The following UHRF2 variants were observed in gnomAD, a reference collection of about 807,000 sequenced individuals.
The protein encoded by UHRF2 is ubiquitin like with PHD and ring finger domains 2, also known as E3 ubiquitin-protein ligase UHRF2.
Under a neutral mutation model 96.8 loss-of-function variants are expected in UHRF2, and 23 were observed. The ratio of observed to expected loss-of-function variants is 0.24; its 90% CI spans 0.17 to 0.34. UHRF2 has a LOEUF of 0.34. Among genes scored for constraint, UHRF2 ranks in the 10% least tolerant of loss-of-function variants. The pLI is 1.00. For missense variants in UHRF2, 685 were observed against 981.5 expected, an observed-to-expected ratio of 0.70 and a Z score of 4.04; for synonymous variants, 385 against 332.6, an observed-to-expected ratio of 1.16 and a Z score of -1.72.
At chr9:6,443,270 A>T (rs1020030503) in intron 3 of UHRF2, among the ~76,000 whole-genome samples, 3 of 152,240 alleles carry the variant, frequency 2.0e-5, no homozygotes, top group Non-Finnish European at 4.4e-5. Context: ...TGTTAAAATA[A>T]CACAGTGTGC....
At chr9:6,414,071 G>C (rs1163155050) in intron 1 of UHRF2, 1 of 155,958 alleles carries the variant, frequency 6.4e-6, no homozygotes, top group Non-Finnish European at 1.4e-5. Context: ...GCGTTCGCCT[G>C]GCTTCCGCGG....
intron 4 of UHRF2, among the ~76,000 whole-genome samples, chr9:6,474,096 G>A (rs1241509590): frequency 6.6e-6 from 1 of 152,200 alleles, no homozygotes; most frequent in African/African-American, 2.4e-5. Flanking sequence ...CGGAGGACAT[G>A]AAGTTGTCAT....
intron 2 of UHRF2, among the ~76,000 whole-genome samples, chr9:6,427,498 C>G (rs1336240550): frequency 1.3e-5 from 2 of 151,984 alleles, no homozygotes; most frequent in Non-Finnish European, 2.9e-5. Flanking sequence ...ACCATCCTGG[C>G]CAACATGGTG....
chr9:6,504,958 G>A (rs1231180803), intron 15 of UHRF2, among the ~76,000 whole-genome samples: 1 of 152,112 alleles, frequency 6.6e-6, no homozygotes, highest in Non-Finnish European at 1.5e-5. Flanking sequence ...AGAGGTCATT[G>A]CTCTTGTCTG....
intron 3 of UHRF2, among the ~76,000 whole-genome samples, chr9:6,438,474 T>C (rs1230197049): frequency 6.6e-6 from 1 of 152,240 alleles, no homozygotes; most frequent in Non-Finnish European, 1.5e-5. Flanking sequence ...CCATTGCATT[T>C]ATGGCTTTAT....
intron 6 of UHRF2, among the ~76,000 whole-genome samples, chr9:6,478,305 T>C (rs1305665970): frequency 6.6e-6 from 1 of 152,256 alleles, no homozygotes; most frequent in African/African-American, 2.4e-5. Context: ...TTCAAGACGA[T>C]ACTAATCCTT....
At chr9:6,490,301 G>C (rs73401017) in intron 9 of UHRF2, among the ~76,000 whole-genome samples, 7,273 of 152,234 alleles carry the variant, frequency 0.048, 262 homozygotes, top group African/African-American at 0.097. Context: ...CACATAGCAC[G>C]GACTCAAATG....
chr9:6,444,634 T>C (rs1474270557), intron 3 of UHRF2, among the ~76,000 whole-genome samples: 1 of 152,130 alleles, frequency 6.6e-6, no homozygotes, highest in Non-Finnish European at 1.5e-5. Flanking sequence ...TGAGTCTTGC[T>C]CTTGTTGCTT....
At chr9:6,477,138 C>T (rs950549825) in intron 5 of UHRF2, among the ~76,000 whole-genome samples, 2 of 151,960 alleles carry the variant, frequency 1.3e-5, no homozygotes, top group Non-Finnish European at 2.9e-5. Context: ...GAGGCTGAGG[C>T]AGGAGAATTA....
chr9:6,484,073 CTTT>C (rs1002624016), intron 8 of UHRF2, among the ~76,000 whole-genome samples: 6 of 135,630 alleles, frequency 4.4e-5, no homozygotes, highest in Admixed American at 7.4e-5. Context: ...TTCTTTCTTT[CTTT>C]TTTTTTTTTT....
chr9:6,413,802 G>A lies in UHRF2; in HGVS notation c.153+159G>A, dbSNP rs1240053466. 3.0e-5 allele frequency: 29 copies of A among 955,952 alleles called. No homozygotes were observed. In the South Asian group the frequency reaches 7.8e-4, roughly 26 times the overall value. 59.2% of individuals were successfully genotyped at this position (955,952 alleles called of 1,614,324 possible). On this transcript the variant is annotated intron_variant, in intron 1 of 15. Transcript: ENST00000276893. Reference sequence around the variant, plus strand: ...CGCGAGGCGCGGGGTGCGGGGCCCAGTCCCGCCGAATGGTGGGGAGTGGGT... The same window carrying A: ...CGCGAGGCGCGGGGTGCGGGGCCCAATCCCGCCGAATGGTGGGGAGTGGGT...
intron 4 of UHRF2, among the ~76,000 whole-genome samples, chr9:6,462,827 G>C (rs960933619): frequency 6.6e-6 from 1 of 152,174 alleles, no homozygotes; most frequent in Non-Finnish European, 1.5e-5. Context: ...TGAGGCAGAG[G>C]AATCACTTGA....
At chr9:6,467,463 A>G (rs760692234) in intron 4 of UHRF2, among the ~76,000 whole-genome samples, 2 of 151,492 alleles carry the variant, frequency 1.3e-5, no homozygotes, top group African/African-American at 4.9e-5. Flanking sequence ...TTTGGGGCCC[A>G]TTGTTCTGCC....
rs1019181084 is a variant in UHRF2 at position 6,506,691 on chromosome 9, G to A, written c.*512G>A. On this transcript the variant is annotated 3_prime_UTR_variant, in exon 16 of 16. Coordinates refer to ENST00000276893, the MANE Select transcript of UHRF2 (RefSeq NM_152896.3). Reference sequence around the variant, plus strand: ...TTACAATGTGTGTTTTGCAAGGACAGGTTCATTTTTTTTAGCCCACTTTGT... The same window carrying A: ...TTACAATGTGTGTTTTGCAAGGACAAGTTCATTTTTTTTAGCCCACTTTGT... The A allele has an allele frequency of 2.0e-5, 3 of 152,678 alleles. No homozygotes were observed. The highest frequency in any genetic ancestry group is 4.4e-5 in the Non-Finnish European group (3 of 68,116). The allele number at this position is 152,678 out of a possible 1,614,324, so 9.5% of individuals were successfully genotyped here. A position where few individuals can be genotyped will look rare whatever the true frequency, so the allele number is the denominator to read the frequency against.
At chr9:6,470,954 G>A (rs1030782121) in intron 4 of UHRF2, among the ~76,000 whole-genome samples, 1 of 152,214 alleles carries the variant, frequency 6.6e-6, no homozygotes, top group East Asian at 1.9e-4. Flanking sequence ...TGTGAGTCAA[G>A]CATTTCAAGA....
At chr9:6,453,538 C>G (rs1194998199) in intron 3 of UHRF2, among the ~76,000 whole-genome samples, 1 of 152,180 alleles carries the variant, frequency 6.6e-6, no homozygotes, top group Non-Finnish European at 1.5e-5. Flanking sequence ...AGTTTAACCT[C>G]ATTTTATAGA....
chr9:6,444,563 G>C (rs530675323), intron 3 of UHRF2, among the ~76,000 whole-genome samples: 1 of 152,272 alleles, frequency 6.6e-6, no homozygotes, highest in Non-Finnish European at 1.5e-5. Flanking sequence ...CTCTCTCCCT[G>C]CTTCCTCATT....
chr9:6,485,803 C>CAAAAAAAAAAAAA (rs57868028), intron 8 of UHRF2, among the ~76,000 whole-genome samples: 2 of 59,222 alleles, frequency 3.4e-5, no homozygotes, highest in Non-Finnish European at 6.7e-5. Context: ...TGTCTCTACC[C>CAAAAAAAAAAAAA]AAAAAAAAAA....
rs58280407 is a variant in UHRF2, at chr9:6,488,540, C to CTTT, written c.1497+1637_1497+1639dup. Among the ~76,000 whole-genome samples the CTTT allele has an allele frequency of 8.8e-3, 736 of 83,784 alleles. 23 individuals carry two copies. The highest frequency in any genetic ancestry group is 0.026 in the African/African-American group (547 of 20,960). 55.0% of individuals were successfully genotyped at this position (83,784 alleles called of 152,430 possible). On this transcript the variant is annotated intron_variant, in intron 9 of 15. Coordinates refer to ENST00000276893, the MANE Select transcript of UHRF2 (RefSeq NM_152896.3). ...CACTAATCTTTTCTCTTTTTCTTTT[C>CTTT]TTTTTTTTTTTTTTTTTTTTTTTTG...
Sources: allele counts gnomAD v4.1 joint callset (sites outside exome capture counted in the v4.1 genomes callset), GRCh38; gene constraint gnomAD v4.1.1; transcripts MANE v1.5; gene names NCBI Gene and HGNC (gene_info 2026-07-23, HGNC 2026-07-21).